Variants in LCE7A observed in about 807,000 individuals in gnomAD.
LCE7A encodes late cornified envelope 7A, also known as late cornified envelope protein 7A.
chr1:152,860,396 A>C, the LCE7A span, among the ~76,000 whole-genome samples: 1 of 152,204 alleles, frequency 6.6e-6, no homozygotes, highest in Non-Finnish European at 1.5e-5. Flanking sequence ...TAGGATAATA[A>C]GTAAGTGAAG....
the LCE7A span, among the ~76,000 whole-genome samples, chr1:152,860,481 A>G: frequency 1.3e-5 from 2 of 152,214 alleles, no homozygotes; most frequent in African/African-American, 4.8e-5. Context: ...GCCAGGCACA[A>G]GAGAAGATGT....
chr1:152,860,753 A>G, the LCE7A span, among the ~76,000 whole-genome samples: 49 of 152,242 alleles, frequency 3.2e-4, no homozygotes, highest in East Asian at 8.9e-3. Context: ...TGCCTCCCCA[A>G]ATATCCATCC....
chr1:152,860,449 T>G, the LCE7A span, among the ~76,000 whole-genome samples: 1 of 152,138 alleles, frequency 6.6e-6, no homozygotes, highest in African/African-American at 2.4e-5. Context: ...GCCTTTGAAG[T>G]CAGGAGTCTT....
At chr1:152,860,763 C>T in the LCE7A span, among the ~76,000 whole-genome samples, 21 of 152,318 alleles carry the variant, frequency 1.4e-4, no homozygotes, top group African/African-American at 5.1e-4. Context: ...AATATCCATC[C>T]AAGTGGACCC....
At chr1:152,860,333 T>C in the LCE7A span, among the ~76,000 whole-genome samples, 4 of 152,284 alleles carry the variant, frequency 2.6e-5, no homozygotes, top group South Asian at 8.3e-4. Context: ...AGAGGTGACG[T>C]AACCATAGAC....
At chr1:152,860,550 TCTG>T in the LCE7A span, among the ~76,000 whole-genome samples, 1 of 152,220 alleles carries the variant, frequency 6.6e-6, no homozygotes, top group African/African-American at 2.4e-5. Flanking sequence ...GCAGGGCTGC[TCTG>T]CTATTATGAT....
At chr1:152,860,840 G>A in the LCE7A span, among the ~76,000 whole-genome samples, 3 of 152,248 alleles carry the variant, frequency 2.0e-5, no homozygotes, top group South Asian at 6.2e-4. Context: ...GTTTCCAGTT[G>A]CTGTATTTCT....
chr1:152,861,027 C>T, the LCE7A span, among the ~76,000 whole-genome samples: 5 of 152,180 alleles, frequency 3.3e-5, no homozygotes, highest in Admixed American at 2.0e-4. Flanking sequence ...GCCAAGGACC[C>T]GCCCTGAGTT....
At chr1:152,860,678 G>A in the LCE7A span, among the ~76,000 whole-genome samples, 3 of 152,162 alleles carry the variant, frequency 2.0e-5, no homozygotes, top group African/African-American at 7.2e-5. Flanking sequence ...GTTTTTTAGA[G>A]TAACTGGACT....
At chr1:152,861,065 C>T in the LCE7A span, among the ~76,000 whole-genome samples, 1 of 152,188 alleles carries the variant, frequency 6.6e-6, no homozygotes, top group African/African-American at 2.4e-5. Flanking sequence ...TTACCCTCCT[C>T]CTTCCTTCTC....
chr1:152,860,029 A>G, the LCE7A span, among the ~76,000 whole-genome samples: 1 of 152,192 alleles, frequency 6.6e-6, no homozygotes, highest in Non-Finnish European at 1.5e-5. Flanking sequence ...TTAAGAGGAC[A>G]AGGTGAGTGT....
the LCE7A span, among the ~76,000 whole-genome samples, chr1:152,860,568 C>T: frequency 2.6e-5 from 4 of 152,152 alleles, no homozygotes; most frequent in African/African-American, 4.8e-5. Context: ...TATGATGTGG[C>T]TTCTGGAGCC....
the LCE7A span, among the ~76,000 whole-genome samples, chr1:152,860,620 T>G: frequency 1.3e-5 from 2 of 152,204 alleles, no homozygotes; most frequent in Non-Finnish European, 2.9e-5. Flanking sequence ...AGAAAAATGT[T>G]GATACAAACA....
At chr1:152,860,434 C>T in the LCE7A span, among the ~76,000 whole-genome samples, 1 of 152,114 alleles carries the variant, frequency 6.6e-6, no homozygotes, top group Non-Finnish European at 1.5e-5. Context: ...GTGCCCTAAG[C>T]AACTGCCTTT....
the LCE7A span, among the ~76,000 whole-genome samples, chr1:152,860,770 A>AC: frequency 1.3e-5 from 2 of 151,998 alleles, no homozygotes; most frequent in South Asian, 4.2e-4. Flanking sequence ...ATCCAAGTGG[A>AC]CCCCTCAGGC....
the LCE7A span, among the ~76,000 whole-genome samples, chr1:152,860,513 C>A: frequency 8.5e-5 from 13 of 152,320 alleles, no homozygotes; most frequent in South Asian, 2.7e-3. Context: ...AACTTACTCA[C>A]TGCTGAATCT....
chr1:152,861,215 T>G, the LCE7A span, among the ~76,000 whole-genome samples: 1 of 152,222 alleles, frequency 6.6e-6, no homozygotes, highest in Non-Finnish European at 1.5e-5. Flanking sequence ...AAGCCTGATC[T>G]GTGTGCTAAA....
At chr1:152,861,189 A>G in the LCE7A span, among the ~76,000 whole-genome samples, 3 of 152,234 alleles carry the variant, frequency 2.0e-5, no homozygotes, top group Non-Finnish European at 4.4e-5. Context: ...CATGCAAAAG[A>G]AAAACCTGCT....
chr1:152,860,256 A>G, the LCE7A span, among the ~76,000 whole-genome samples: 1 of 152,202 alleles, frequency 6.6e-6, no homozygotes, highest in East Asian at 1.9e-4. Context: ...ACAGCCACGC[A>G]GGGCTGAAGA....
Sources: gnomAD v4.1 joint callset for allele counts (sites outside exome capture counted in the v4.1 genomes callset) on GRCh38, gnomAD v4.1.1 for gene constraint, MANE v1.5 for transcripts, NCBI Gene and HGNC (gene_info 2026-07-23, HGNC 2026-07-21) for gene names.